Variants in OSBPL10 observed in about 807,000 individuals in gnomAD.
OSBPL10 encodes oxysterol binding protein like 10.
Under a neutral mutation model 81.7 loss-of-function variants are expected in OSBPL10, and 49 were observed. The ratio of observed to expected loss-of-function variants is 0.60; its 90% CI spans 0.48 to 0.76. OSBPL10 has a LOEUF of 0.76. Ranked by LOEUF, OSBPL10 falls within the 30% of genes least tolerant of loss-of-function variation. The probability of loss-of-function intolerance (pLI) is 0.00; values close to 1 mark genes in which losing one functional copy is unlikely to be tolerated. For missense variants in OSBPL10, 923 were observed against 987.8 expected (o/e 0.93, Z 0.88); for synonymous variants, 419 against 383.6 (o/e 1.09, Z -1.08).
At chr3:31,773,929 CG>C (rs2125753207) in intron 4 of OSBPL10, among the ~76,000 whole-genome samples, 1 of 151,968 alleles carries the variant, frequency 6.6e-6, no homozygotes, top group African/African-American at 2.4e-5. Flanking sequence ...TTTGGGAGGC[CG>C]AGGTGGGTGG....
Position 32,064,386 on chromosome 3 carries a change from T to A in OSBPL10, n.185+13010A>T, listed in dbSNP as rs886105602. 4.3e-5 allele frequency: 4 copies of A among 93,920 alleles called. 1 individual carries two copies. The highest frequency in any genetic ancestry group is 1.1e-4 in the African/African-American group (4 of 36,386). The allele number at this position is 93,920 out of a possible 1,614,324, so 5.8% of individuals were successfully genotyped here. The stretch of plus-strand genomic sequence containing the variant: ...GCAAACATGTTGATATACAAACTAA[T>A]ATGAAGCCCTGATATTTCACCATCT... On this transcript the variant is annotated intron_variant and non_coding_transcript_variant, in intron 1 of 3. Coordinates refer to the OSBPL10 transcript ENST00000479173.
intron 1 of OSBPL10, among the ~76,000 whole-genome samples, chr3:32,072,411 A>G (rs1264198544): frequency 1.3e-5 from 2 of 151,232 alleles, no homozygotes; most frequent in Non-Finnish European, 3.0e-5. Flanking sequence ...AGTCACTCCC[A>G]CCTACTCTCC....
rs1273893466 is a variant in OSBPL10, at chr3:31,981,190, C to G, written c.-11G>C. ...GACTGCCCTCTCCATGGTCCGTGGG[C>G]GCCCGGGACGCGGGTGCCCGCCGCG... On this transcript the variant is annotated 5_prime_UTR_variant, in exon 1 of 12. Transcript: ENST00000396556. This position sits in a 1 kb window ranked among gnomAD's most constrained non-coding sequence, Gnocchi z 4.5. 10 of 1,409,766 alleles carry G rather than the reference C, an allele frequency of 7.1e-6. No homozygotes were observed. The highest frequency in any genetic ancestry group is 3.4e-5 in the Admixed American group (1 of 29,608). The allele number at this position is 1,409,766 out of a possible 1,614,324, so 87.3% of individuals were successfully genotyped here.
intron 3 of OSBPL10, among the ~76,000 whole-genome samples, chr3:31,840,041 G>A (rs992485723): frequency 2.0e-5 from 3 of 151,130 alleles, no homozygotes; most frequent in African/African-American, 7.3e-5. Flanking sequence ...CCCTGAAGAT[G>A]GGCTTTTCAT....
intron 4 of OSBPL10, among the ~76,000 whole-genome samples, chr3:31,802,670 T>C (rs1478301701): frequency 6.6e-6 from 1 of 152,068 alleles, no homozygotes; most frequent in South Asian, 2.1e-4. Context: ...CCTCCAGCTC[T>C]TAGTAGGGCA....
rs1700082348 is a variant in OSBPL10 at position 31,662,010 on chromosome 3, C to CTACTACTT, written c.*54_*61dup. ...TGAATGCCAACAAAACCCTGATACTCTACTACTTTAATATTCCTACAAAAA... is the reference window on the plus strand; with the variant it reads ...TGAATGCCAACAAAACCCTGATACTCTACTACTTTACTACTTTAATATTCCTACAAAAA... On this transcript the variant is annotated 3_prime_UTR_variant, in exon 12 of 12. Transcript: ENST00000396556. 1 of 1,595,452 alleles carries CTACTACTT rather than the reference C, an allele frequency of 6.3e-7. No homozygotes were observed. Among genetic ancestry groups the CTACTACTT allele is most frequent in the African/African-American group, 1.3e-5 (1 of 74,080 alleles).
intron 1 of OSBPL10, among the ~76,000 whole-genome samples, chr3:31,971,563 C>T (rs952351653): frequency 2.6e-5 from 4 of 152,184 alleles, no homozygotes; most frequent in Admixed American, 6.5e-5. Flanking sequence ...AAAGAAACTG[C>T]GACATAAAGG....
chr3:32,018,132 G>T (rs998200565), intron 2 of OSBPL10, among the ~76,000 whole-genome samples: 1 of 147,070 alleles, frequency 6.8e-6, no homozygotes, highest in African/African-American at 2.5e-5. Context: ...TGGGCAACAA[G>T]AGTAAAACTC....
In OSBPL10 at chr3:31,926,293, C is replaced by CCCCCCG. The variant is rs988631627; in HGVS notation, c.282-46464_282-46463insCGGGGG. Among the ~76,000 whole-genome samples, 2 of 145,658 alleles carry CCCCCCG rather than the reference C, an allele frequency of 1.4e-5. 1 individual carries two copies. Among genetic ancestry groups the CCCCCCG allele is most frequent in the East Asian group, 4.1e-4 (2 of 4,830 alleles). ...TTCTCAACCATGGGTGATTTTGCCC[C>CCCCCCG]CCCAGAGGATAGCTGCAATGTCTGG... is the stretch of plus-strand genomic sequence containing the variant. On this transcript the variant is annotated intron_variant, in intron 1 of 11. Coordinates refer to ENST00000396556, the MANE Select transcript of OSBPL10 (RefSeq NM_017784.5).
At chr3:31,892,528 C>CA (rs1222486797) in intron 1 of OSBPL10, among the ~76,000 whole-genome samples, 23 of 152,080 alleles carry the variant, frequency 1.5e-4, no homozygotes, top group East Asian at 1.2e-3. Flanking sequence ...ATTCTCTCCC[C>CA]AAAAAAGTCA....
chr3:31,726,370 G>A (rs1331102040), intron 6 of OSBPL10, among the ~76,000 whole-genome samples: 3 of 151,906 alleles, frequency 2.0e-5, no homozygotes, highest in African/African-American at 7.3e-5. Flanking sequence ...AGGCTGGAGT[G>A]CAGTGGCACG....
At chr3:31,832,554 T>C (rs1700270314) in intron 3 of OSBPL10, among the ~76,000 whole-genome samples, 1 of 152,118 alleles carries the variant, frequency 6.6e-6, no homozygotes, top group Non-Finnish European at 1.5e-5. Context: ...GAAAACAAAA[T>C]GTATGAGACA....
intron 1 of OSBPL10, among the ~76,000 whole-genome samples, chr3:31,893,132 G>A (rs1695950260): frequency 6.6e-6 from 1 of 152,140 alleles, no homozygotes. Flanking sequence ...AGCCTTTCTG[G>A]CTAAAGCACA....
intron 9 of OSBPL10, among the ~76,000 whole-genome samples, chr3:31,670,239 T>C (rs547423985): frequency 6.6e-6 from 1 of 152,246 alleles, no homozygotes; most frequent in Non-Finnish European, 1.5e-5. Context: ...TTGTACAGTA[T>C]ATCTTGCTTA....
intron 1 of OSBPL10, among the ~76,000 whole-genome samples, chr3:31,888,773 A>T (rs1695810317): frequency 6.6e-6 from 1 of 152,050 alleles, no homozygotes; most frequent in African/African-American, 2.4e-5. Context: ...ATATAAAAAA[A>T]ATTAGCCAGG....
intron 2 of OSBPL10, among the ~76,000 whole-genome samples, chr3:32,031,442 C>A (rs377732527): frequency 6.6e-6 from 1 of 151,710 alleles, no homozygotes; most frequent in Non-Finnish European, 1.5e-5. Context: ...AGTTATTTAA[C>A]CTGAAAGGCT....
chr3:32,030,353 C>T, intron 2 of OSBPL10: 1 of 531,000 alleles, frequency 1.9e-6, no homozygotes, highest in Admixed American at 2.4e-5. Context: ...AAAGGAATGC[C>T]CCACAAGAGG....
chr3:31,891,327 G>A (rs1417960616), intron 1 of OSBPL10, among the ~76,000 whole-genome samples: 2 of 152,142 alleles, frequency 1.3e-5, no homozygotes, highest in African/African-American at 2.4e-5. Flanking sequence ...GGTGGAGCAG[G>A]AGAATTTGAT....
chr3:31,927,103 T>C (rs1256068090), intron 1 of OSBPL10, among the ~76,000 whole-genome samples: 1 of 152,028 alleles, frequency 6.6e-6, no homozygotes, highest in African/African-American at 2.4e-5. Context: ...AGAGTGAGAC[T>C]CCATCTCAAC....
Sources: allele counts gnomAD v4.1 joint callset (sites outside exome capture counted in the v4.1 genomes callset), GRCh38; gene constraint gnomAD v4.1.1; non-coding constraint Gnocchi (gnomAD v3.1); transcripts MANE v1.5; gene names NCBI Gene and HGNC (gene_info 2026-07-23, HGNC 2026-07-21).